PTPRK: variants seen among roughly 807,000 people sequenced by gnomAD.
PTPRK encodes the protein receptor-type tyrosine-protein phosphatase kappa.
Under a neutral mutation model 178.0 loss-of-function variants are expected in PTPRK, and 75 were observed. That is an observed-to-expected ratio of 0.42 (90% CI 0.35 to 0.51). The LOEUF is 0.51. PTPRK is among the 20% of genes least tolerant of loss of function. The probability of loss-of-function intolerance (pLI) is 0.02; values close to 1 mark genes in which losing one functional copy is unlikely to be tolerated. For synonymous variants in PTPRK, 637 were observed against 620.6 expected (o/e 1.03, Z -0.39); for missense variants, 1,441 against 1,797.8 (o/e 0.80, Z 3.59).
intron 1 of PTPRK, among the ~76,000 whole-genome samples, chr6:128,468,313 A>G (rs1182552278): frequency 1.3e-5 from 2 of 152,110 alleles, no homozygotes; most frequent in Non-Finnish European, 2.9e-5. Flanking sequence ...ATGCATATAC[A>G]CACACACAAT....
rs143144508 is a variant in PTPRK, at chr6:127,976,620, A to G, written c.3969+37T>C. The G allele has an allele frequency of 4.3e-6, 7 of 1,612,390 alleles. No individual in the cohort carries two copies. The African/African-American group carries it at 9.3e-5, about 22-fold the overall frequency. On this transcript the variant is annotated intron_variant, in intron 27 of 29. Coordinates refer to ENST00000368226, the MANE Select transcript of PTPRK (RefSeq NM_002844.4). Reference sequence around the variant, plus strand: ...ACCACATCTTGGTTATGACTGACCTATTCTAGATCAGCTCAAAGGATCCGA... The same window carrying G: ...ACCACATCTTGGTTATGACTGACCTGTTCTAGATCAGCTCAAAGGATCCGA...
chr6:128,173,268 T>C (rs887130692), intron 7 of PTPRK, among the ~76,000 whole-genome samples: 1 of 152,052 alleles, frequency 6.6e-6, no homozygotes, highest in South Asian at 2.1e-4. Context: ...ATCTGCTACA[T>C]ATTTTTAAGT....
chr6:128,498,038 TA>T (rs576984605), intron 1 of PTPRK, among the ~76,000 whole-genome samples: 6 of 150,654 alleles, frequency 4.0e-5, no homozygotes, highest in South Asian at 2.1e-4. Flanking sequence ...GTCTGAGTTG[TA>T]AAAAAAAACA....
intron 7 of PTPRK, among the ~76,000 whole-genome samples, chr6:128,098,270 T>C (rs1439220348): frequency 6.6e-6 from 1 of 152,172 alleles, no homozygotes; most frequent in East Asian, 1.9e-4. Flanking sequence ...CTGTTTGCCA[T>C]GTGACTTTGC....
At chr6:128,050,050 T>A (rs1056596325) in intron 13 of PTPRK, among the ~76,000 whole-genome samples, 1 of 152,022 alleles carries the variant, frequency 6.6e-6, no homozygotes, top group African/African-American at 2.4e-5. Flanking sequence ...GCAGGAGAAT[T>A]GCTTGAACCC....
chr6:128,433,793 A>G (rs1428491809), intron 1 of PTPRK, among the ~76,000 whole-genome samples: 1 of 149,420 alleles, frequency 6.7e-6, no homozygotes, highest in Non-Finnish European at 1.5e-5. Flanking sequence ...CTGGGATTAC[A>G]GGGGTGAGCT....
At chr6:128,479,630 C>T (rs545763877) in intron 1 of PTPRK, among the ~76,000 whole-genome samples, 3 of 152,160 alleles carry the variant, frequency 2.0e-5, no homozygotes, top group East Asian at 3.9e-4. Context: ...GAGAGAGATG[C>T]TTCACTTGGA....
intron 13 of PTPRK, among the ~76,000 whole-genome samples, chr6:128,057,000 T>C (rs1780016158): frequency 1.3e-5 from 2 of 152,126 alleles, no homozygotes; most frequent in Non-Finnish European, 2.9e-5. Flanking sequence ...TCAAATAAAG[T>C]AGGCCCATAT....
chr6:128,316,460 C>A lies in PTPRK; in HGVS notation c.495+5579G>T, dbSNP rs190045367. ...ACAATGAAGGGTACTGTGGCAGCTGCCACCACCCTACATAAAAGCAGGTAT... is the reference window on the plus strand; with the variant it reads ...ACAATGAAGGGTACTGTGGCAGCTGACACCACCCTACATAAAAGCAGGTAT... On this transcript the variant is annotated intron_variant, in intron 3 of 29. Transcript: ENST00000368226. 4.4e-3 allele frequency among the ~76,000 whole-genome samples: 667 copies of A among 152,244 alleles called. 1 individual carries two copies. Among genetic ancestry groups the A allele is most frequent in the Admixed American group, 8.6e-3 (132 of 15,288 alleles).
At chr6:127,988,077 G>A (rs1343060923) in intron 21 of PTPRK, among the ~76,000 whole-genome samples, 1 of 151,160 alleles carries the variant, frequency 6.6e-6, no homozygotes, top group Non-Finnish European at 1.5e-5. Context: ...AATAGGTCAT[G>A]TAGTGATATT....
intron 11 of PTPRK, among the ~76,000 whole-genome samples, chr6:128,069,428 C>A (rs574943799): frequency 2.0e-4 from 31 of 152,210 alleles, no homozygotes; most frequent in African/African-American, 7.2e-4. Flanking sequence ...ATGGAGCAGG[C>A]ATTTGTCAAT....
intron 6 of PTPRK, among the ~76,000 whole-genome samples, chr6:128,200,195 A>C (rs1805661471): frequency 6.6e-6 from 1 of 152,132 alleles, no homozygotes; most frequent in South Asian, 2.1e-4. Flanking sequence ...TTAGGTCTTT[A>C]ATGTCTTGAT....
At chr6:128,508,955 A>AAAAAG (rs370736080) in intron 1 of PTPRK, among the ~76,000 whole-genome samples, 5 of 151,592 alleles carry the variant, frequency 3.3e-5, no homozygotes, top group Admixed American at 6.6e-5. Context: ...CTCAAAAAAA[A>AAAAAG]AAAAGAAAAG....
chr6:128,121,257 G>A (rs554842844), intron 7 of PTPRK, among the ~76,000 whole-genome samples: 28 of 152,120 alleles, frequency 1.8e-4, no homozygotes, highest in African/African-American at 6.7e-4. Context: ...GAACAGAAGG[G>A]AGGAAATTTA....
rs190953206 is a variant in PTPRK, at chr6:128,074,020, C to T, written c.1883+4793G>A. Among the ~76,000 whole-genome samples the T allele has an allele frequency of 9.0e-4, 137 of 152,114 alleles. 1 individual carries two copies. The highest frequency in any genetic ancestry group is 5.7e-3 in the Admixed American group (87 of 15,240). ...GATAGCCCCAGATTTTAAAGCTATG[C>T]AACCCTAACATACATTTGTCTGTTA... On this transcript the variant is annotated intron_variant, in intron 11 of 29. Coordinates refer to ENST00000368226, the MANE Select transcript of PTPRK (RefSeq NM_002844.4).
intron 7 of PTPRK, among the ~76,000 whole-genome samples, chr6:128,102,343 G>A (rs915405144): frequency 1.1e-4 from 16 of 152,138 alleles, no homozygotes; most frequent in Admixed American, 7.9e-4. Flanking sequence ...AGGCCCACAG[G>A]CAGGTAAATT....
chr6:128,281,522 C>T (rs1821671824), intron 3 of PTPRK, among the ~76,000 whole-genome samples: 1 of 152,112 alleles, frequency 6.6e-6, no homozygotes, highest in African/African-American at 2.4e-5. Context: ...TCACTTTTAT[C>T]ACCCTATTCT....
chr6:128,045,266 T>C (rs1777859481), intron 13 of PTPRK, among the ~76,000 whole-genome samples: 1 of 152,072 alleles, frequency 6.6e-6, no homozygotes, highest in African/African-American at 2.4e-5. Context: ...TTATGTGTCA[T>C]GAGTTGGACC....
intron 1 of PTPRK, among the ~76,000 whole-genome samples, chr6:128,514,827 T>TA (rs962295519): frequency 7.2e-5 from 11 of 151,950 alleles, no homozygotes; most frequent in South Asian, 2.1e-4. Flanking sequence ...CTCAACAATC[T>TA]AAAAAAAACC....
Sources: allele counts gnomAD v4.1 joint callset (sites outside exome capture counted in the v4.1 genomes callset), GRCh38; gene constraint gnomAD v4.1.1; transcripts MANE v1.5; gene names NCBI Gene and HGNC (gene_info 2026-07-23, HGNC 2026-07-21).